ECM2: variants seen among roughly 807,000 people sequenced by gnomAD.
ECM2 encodes extracellular matrix protein 2, female organ and adipocyte specific.
In ECM2, 57 loss-of-function variants were observed where a neutral mutation model predicts 67.5. The observed-to-expected ratio is 0.84, with a 90% confidence interval of 0.68 to 1.05. The LOEUF (loss-of-function observed/expected upper bound fraction) is 1.05. ECM2 is among the 50% of genes least tolerant of loss of function. The pLI, the probability that ECM2 is intolerant of heterozygous loss-of-function variation, is 0.00. For synonymous variants in ECM2, 258 were observed against 294.5 expected (o/e 0.88, Z 1.27); for missense variants, 741 against 822.8 (o/e 0.90, Z 1.22).
chr9:92,525,344 C>G (rs1848326449), intron 1 of ECM2, among the ~76,000 whole-genome samples: 1 of 151,768 alleles, frequency 6.6e-6, no homozygotes, highest in African/African-American at 2.4e-5. Flanking sequence ...AAGAAAAAAC[C>G]TGAAAGACCC....
upstream of ECM2, among the ~76,000 whole-genome samples, chr9:92,540,377 G>T (rs867519460): frequency 6.6e-6 from 1 of 150,826 alleles, no homozygotes; most frequent in Non-Finnish European, 1.5e-5. Flanking sequence ...GGCAAAGGTC[G>T]CAGTGAGTCG....
At chr9:92,546,893 G>C in the ECM2 span, among the ~76,000 whole-genome samples, 7 of 152,174 alleles carry the variant, frequency 4.6e-5, no homozygotes, top group African/African-American at 1.4e-4. Flanking sequence ...CTTCCCACAA[G>C]AGATACCACA....
chr9:92,526,734 A>C (rs967551005), intron 1 of ECM2, among the ~76,000 whole-genome samples: 5 of 152,048 alleles, frequency 3.3e-5, no homozygotes, highest in African/African-American at 1.2e-4. Flanking sequence ...AAGTATATAA[A>C]GTTAAATTAC....
upstream of ECM2, among the ~76,000 whole-genome samples, chr9:92,539,665 G>C (rs1849271495): frequency 6.6e-6 from 1 of 152,116 alleles, no homozygotes; most frequent in Non-Finnish European, 1.5e-5. Context: ...CTAAGTGAGG[G>C]GAGGAGTAGT....
the ECM2 span, among the ~76,000 whole-genome samples, chr9:92,542,814 CT>C: frequency 6.6e-6 from 1 of 152,066 alleles, no homozygotes; most frequent in Non-Finnish European, 1.5e-5. Flanking sequence ...GCCCGGCCCC[CT>C]ATGTTTTCTT....
chr9:92,549,646 C>CAA, the ECM2 span, among the ~76,000 whole-genome samples: 4,413 of 90,212 alleles, frequency 0.049, 105 homozygotes, highest in Middle Eastern at 0.12. Context: ...GACTCCGTCT[C>CAA]AAAAAAAAAA....
chr9:92,522,888 C>A lies in ECM2; in HGVS notation c.-22G>T, dbSNP rs779997929. On this transcript the variant is annotated 5_prime_UTR_variant, in exon 2 of 10. Coordinates refer to ENST00000344604, the MANE Select transcript of ECM2 (RefSeq NM_001393.4). ...TCATGTTTGATTTTTTTCCACCAGC[C>A]AATTTCTAGAATGAAACAATATTTC... 5 of 1,576,570 alleles carry A rather than the reference C, an allele frequency of 3.2e-6. No individual in the cohort carries two copies. In the Admixed American group the frequency reaches 9.1e-5, roughly 29 times the overall value.
At chr9:92,512,807 A>ACT (rs1308685368) in intron 4 of ECM2, among the ~76,000 whole-genome samples, 1 of 152,182 alleles carries the variant, frequency 6.6e-6, no homozygotes, top group Non-Finnish European at 1.5e-5. Context: ...TAAAACCATA[A>ACT]CAGTGTAGCT....
upstream of ECM2, among the ~76,000 whole-genome samples, chr9:92,539,789 A>C (rs772795381): frequency 6.6e-6 from 1 of 152,198 alleles, no homozygotes; most frequent in Non-Finnish European, 1.5e-5. Flanking sequence ...TCCCAATGGA[A>C]TATTACATTT....
At position 92,514,966 on chromosome 9, in the gene ECM2, T is replaced by C. The variant is rs1408750165; in HGVS notation, c.719A>G (p.Tyr240Cys). 1 of 1,613,988 alleles carries C rather than the reference T, an allele frequency of 6.2e-7. No homozygotes were observed. The highest frequency in any genetic ancestry group is 1.3e-5 in the African/African-American group (1 of 74,924). Residue 240 changes from tyrosine (Y) to cysteine (C), a missense_variant, in exon 4 of 10, where the codon TAC becomes TGC. Transcript: ENST00000344604. ...TPESRNQGQL[Y>C]SEGDSRGGDR... ...TCCTCCTCTGCTGTCCCCCTCACTGTAAAGTTGCCCCTGATTTCTAGATTC... is the reference window on the plus strand; with the variant it reads ...TCCTCCTCTGCTGTCCCCCTCACTGCAAAGTTGCCCCTGATTTCTAGATTC...
chr9:92,496,220 G>A lies in ECM2; in HGVS notation c.*95C>T. ...GTTGACTAGCATATAATGATACTGA[G>A]TATAACAGGAGGATTATGTCTCTCT... On this transcript the variant is annotated 3_prime_UTR_variant, in exon 10 of 10. Transcript: ENST00000344604. The A allele has an allele frequency of 1.4e-6, 2 of 1,479,872 alleles. No individual in the cohort carries two copies. The highest frequency in any genetic ancestry group is 1.8e-6 in the Non-Finnish European group (2 of 1,126,604). 91.7% of individuals were successfully genotyped at this position (1,479,872 alleles called of 1,614,324 possible). A position where few individuals can be genotyped will look rare whatever the true frequency, so the allele number is the denominator to read the frequency against.
intron 6 of ECM2, among the ~76,000 whole-genome samples, chr9:92,506,898 T>A (rs1469286259): frequency 1.3e-5 from 2 of 152,038 alleles, no homozygotes; most frequent in Non-Finnish European, 1.5e-5. Flanking sequence ...TTTTTTTACA[T>A]TTTTTAAATT....
chr9:92,517,593 T>C, intron 3 of ECM2, 94 bp downstream of exon 3: 1 of 1,533,138 alleles, frequency 6.5e-7, no homozygotes, highest in South Asian at 1.2e-5. Context: ...ATCTGACTAA[T>C]GTATCATAAT....
At chr9:92,514,274 C>CTTTT (rs1044226766) in intron 4 of ECM2, among the ~76,000 whole-genome samples, 2 of 130,748 alleles carry the variant, frequency 1.5e-5, no homozygotes, top group Admixed American at 7.7e-5. Flanking sequence ...GAGTCATTTA[C>CTTTT]TTTTTTTTTT....
At chr9:92,533,328 A>AAAAATATAT (rs1554683138) in intron 1 of ECM2, among the ~76,000 whole-genome samples, 1 of 38,332 alleles carries the variant, frequency 2.6e-5, no homozygotes, top group African/African-American at 1.5e-4. Context: ...AAAAAAAAAA[A>AAAAATATAT]ATATATATAT....
chr9:92,525,929 TGTACA>T (rs990284243), intron 1 of ECM2, among the ~76,000 whole-genome samples: 12 of 150,764 alleles, frequency 8.0e-5, no homozygotes, highest in African/African-American at 2.0e-4. Context: ...CATACAATTA[TGTACA>T]GTACAGTACA....
At chr9:92,547,491 G>A in the ECM2 span, among the ~76,000 whole-genome samples, 1 of 152,216 alleles carries the variant, frequency 6.6e-6, no homozygotes, top group South Asian at 2.1e-4. Flanking sequence ...ATGTCATACT[G>A]ACACATGCTG....
the ECM2 span, among the ~76,000 whole-genome samples, chr9:92,556,782 C>T: frequency 0.015 from 2,333 of 152,308 alleles, 72 homozygotes; most frequent in African/African-American, 0.053. Context: ...GAGTCCTTAT[C>T]TACTCTGCTG....
chr9:92,552,233 C>T, the ECM2 span, among the ~76,000 whole-genome samples: 1 of 150,216 alleles, frequency 6.7e-6, no homozygotes, highest in Non-Finnish European at 1.5e-5. Flanking sequence ...GTTTCTTTAT[C>T]CACTTGTTGA....
Sources: allele counts gnomAD v4.1 joint callset (sites outside exome capture counted in the v4.1 genomes callset), GRCh38; gene constraint gnomAD v4.1.1; transcripts MANE v1.5; gene names NCBI Gene and HGNC (gene_info 2026-07-23, HGNC 2026-07-21).